The following LEKR1 variants were observed in gnomAD, a reference collection of about 807,000 sequenced individuals.
LEKR1 encodes the protein leucine, glutamate and lysine rich 1.
A neutral mutation model predicts 72.4 loss-of-function variants in LEKR1; 59 were observed. The observed-to-expected ratio is 0.82, with a 90% confidence interval of 0.66 to 1.01. LEKR1 has a LOEUF of 1.01. Among genes scored for constraint, LEKR1 ranks in the 50% least tolerant of loss-of-function variants. The probability of loss-of-function intolerance (pLI) is 0.00; values close to 1 mark genes in which losing one functional copy is unlikely to be tolerated. For missense variants in LEKR1, 728 were observed against 759.2 expected (o/e 0.96, Z 0.48); for synonymous variants, 257 against 263.2 (o/e 0.98, Z 0.23).
intron 2 of LEKR1, among the ~76,000 whole-genome samples, chr3:156,843,111 T>G (rs1425771270): frequency 6.6e-6 from 1 of 152,208 alleles, no homozygotes; most frequent in Non-Finnish European, 1.5e-5. Context: ...GAAAGCAGAA[T>G]ATACTTGAAA....
At chr3:156,839,992 A>G (rs1394882319) in intron 2 of LEKR1, among the ~76,000 whole-genome samples, 1 of 151,770 alleles carries the variant, frequency 6.6e-6, no homozygotes, top group Non-Finnish European at 1.5e-5. Flanking sequence ...AGCAACACCA[A>G]CCCCTCCTCT....
intron 3 of LEKR1, among the ~76,000 whole-genome samples, chr3:156,885,349 A>G (rs1719938627): frequency 6.6e-6 from 1 of 152,132 alleles, no homozygotes; most frequent in Non-Finnish European, 1.5e-5. Flanking sequence ...TGGGGATGTT[A>G]TCAAATCCTG....
intron 12 of LEKR1, among the ~76,000 whole-genome samples, chr3:157,038,185 C>A (rs958388841): frequency 3.3e-5 from 5 of 152,012 alleles, no homozygotes; most frequent in African/African-American, 1.2e-4. Context: ...GACCAATCAC[C>A]AGATTTGGGA....
intron 2 of LEKR1, among the ~76,000 whole-genome samples, chr3:156,831,076 A>G (rs1417953073): frequency 2.0e-5 from 3 of 152,120 alleles, no homozygotes; most frequent in African/African-American, 7.2e-5. Flanking sequence ...GAAAATTTGC[A>G]GGGTAGGGAT....
At chr3:157,039,238 G>T (rs766345319) in intron 12 of LEKR1, among the ~76,000 whole-genome samples, 1 of 152,106 alleles carries the variant, frequency 6.6e-6, no homozygotes. Context: ...TTGGCATCAT[G>T]GGTTATTTTT....
intron 3 of LEKR1, among the ~76,000 whole-genome samples, chr3:156,877,108 G>A (rs865920996): frequency 2.0e-5 from 3 of 152,062 alleles, no homozygotes; most frequent in African/African-American, 7.2e-5. Flanking sequence ...CTATTTATGT[G>A]ATCACATGTA....
At chr3:157,030,135 T>G (rs975681396) in intron 12 of LEKR1, among the ~76,000 whole-genome samples, 1 of 152,062 alleles carries the variant, frequency 6.6e-6, no homozygotes, top group Non-Finnish European at 1.5e-5. Context: ...GTGCATCACA[T>G]GGTGAGAGAG....
At chr3:157,001,290 G>T (rs1485900827) in intron 9 of LEKR1, among the ~76,000 whole-genome samples, 1 of 152,134 alleles carries the variant, frequency 6.6e-6, no homozygotes, top group Admixed American at 6.6e-5. Flanking sequence ...ACAGCTCTCA[G>T]AACAAGAGGC....
chr3:157,007,377 A>G (rs1315844074), intron 9 of LEKR1, among the ~76,000 whole-genome samples: 1 of 152,198 alleles, frequency 6.6e-6, no homozygotes, highest in Non-Finnish European at 1.5e-5. Flanking sequence ...TTCAGAGAGG[A>G]AAGCTAGGAG....
chr3:156,882,420 A>G (rs988486055), intron 3 of LEKR1, among the ~76,000 whole-genome samples: 7 of 152,342 alleles, frequency 4.6e-5, no homozygotes, highest in African/African-American at 1.4e-4. Context: ...ATCACTGGCC[A>G]TCAGAGAAAT....
At chr3:156,874,433 G>A (rs1257913229) in intron 3 of LEKR1, among the ~76,000 whole-genome samples, 1 of 151,996 alleles carries the variant, frequency 6.6e-6, no homozygotes, top group South Asian at 2.1e-4. Context: ...TTATTTGGGG[G>A]AGGCTTTTTA....
chr3:156,980,444 T>C lies in LEKR1; in HGVS notation c.827+1169T>C, dbSNP rs534246566. ...CAGTAAGTATAGTAGTTCAGGTGTCTGTGTAGATGGCTGGGGTTGAAGGAA... is the reference window on the plus strand; with the variant it reads ...CAGTAAGTATAGTAGTTCAGGTGTCCGTGTAGATGGCTGGGGTTGAAGGAA... On this transcript the variant is annotated intron_variant, in intron 7 of 12. Transcript: ENST00000356539. Among the ~76,000 whole-genome samples, 57 of 152,290 alleles carry C rather than the reference T, an allele frequency of 3.7e-4. No homozygotes were observed. In the South Asian group the frequency reaches 0.011, roughly 30 times the overall value.
chr3:156,994,503 C>T (rs556806348), intron 9 of LEKR1, among the ~76,000 whole-genome samples: 5 of 152,180 alleles, frequency 3.3e-5, no homozygotes, highest in Admixed American at 6.5e-5. Flanking sequence ...CCTTCAACAC[C>T]GAAAATGTAC....
intron 3 of LEKR1, among the ~76,000 whole-genome samples, chr3:156,886,537 G>A (rs1022061770): frequency 2.0e-5 from 3 of 152,112 alleles, no homozygotes; most frequent in African/African-American, 7.2e-5. Flanking sequence ...CAATTCTGCT[G>A]GCTGCCTTCC....
intron 1 of LEKR1, among the ~76,000 whole-genome samples, chr3:156,828,737 CTT>C (rs1304568326): frequency 2.6e-5 from 4 of 152,128 alleles, no homozygotes; most frequent in Non-Finnish European, 5.9e-5. Flanking sequence ...AAATGTCCAT[CTT>C]AGATAAAATT....
chr3:156,848,457 G>A (rs1026715060), intron 2 of LEKR1, among the ~76,000 whole-genome samples: 4 of 152,244 alleles, frequency 2.6e-5, no homozygotes, highest in Admixed American at 2.0e-4. Flanking sequence ...TGTTCACTGA[G>A]AGCAAGCATG....
intron 3 of LEKR1, 62 bp from the exon 4 acceptor site, chr3:156,920,513 A>C: frequency 1.0e-6 from 1 of 993,712 alleles, no homozygotes; most frequent in Non-Finnish European, 1.4e-6. Context: ...GTATATTTAA[A>C]TGTTAACTTG....
chr3:156,920,457 TATAAGAGACATA>T, intron 3 of LEKR1, 106 bp from the exon 4 acceptor site: 1 of 647,850 alleles, frequency 1.5e-6, no homozygotes. Flanking sequence ...ATATAGCATA[TATAAGAGACATA>T]GTTTCTTCTT....
chr3:156,862,179 A>C (rs1716838713), intron 3 of LEKR1, among the ~76,000 whole-genome samples: 1 of 152,004 alleles, frequency 6.6e-6, no homozygotes, highest in Non-Finnish European at 1.5e-5. Flanking sequence ...ATGGTTACCA[A>C]AATAAGGTAC....
Sources: allele counts gnomAD v4.1 joint callset (sites outside exome capture counted in the v4.1 genomes callset), GRCh38; gene constraint gnomAD v4.1.1; transcripts MANE v1.5; gene names NCBI Gene and HGNC (gene_info 2026-07-23, HGNC 2026-07-21).